The following GRIP1 variants were observed in gnomAD, a reference collection of about 807,000 sequenced individuals.
The protein encoded by GRIP1 is glutamate receptor interacting protein 1.
A neutral mutation model predicts 129.9 loss-of-function variants in GRIP1; 45 were observed. The observed-to-expected ratio is 0.35, with a 90% CI of 0.27 to 0.44. GRIP1 has a LOEUF of 0.44. Among genes scored for constraint, GRIP1 ranks in the 20% least tolerant of loss-of-function variants. GRIP1 has a pLI of 1.00. For missense variants in GRIP1, 1,196 were observed against 1,396.8 expected (o/e 0.86, Z 2.29); for synonymous variants, 530 against 520.8 (o/e 1.02, Z -0.24).
chr12:66,670,527 G>C (rs2034028482), intron 1 of GRIP1, among the ~76,000 whole-genome samples: 1 of 152,190 alleles, frequency 6.6e-6, no homozygotes, highest in Non-Finnish European at 1.5e-5. Context: ...TGTGGAATGA[G>C]AGCAACTCAG....
intron 1 of GRIP1, among the ~76,000 whole-genome samples, chr12:66,764,422 A>G (rs909949068): frequency 5.9e-5 from 9 of 152,166 alleles, no homozygotes; most frequent in South Asian, 2.1e-4. Flanking sequence ...TTCATTTATG[A>G]TGTTTTCCAT....
chr12:66,876,140 G>A (rs754268127), intron 1 of GRIP1, among the ~76,000 whole-genome samples: 2 of 151,704 alleles, frequency 1.3e-5, no homozygotes, highest in Admixed American at 6.6e-5. Context: ...GCGATAATGA[G>A]GATCAAACTG....
chr12:66,732,181 A>G (rs761106450), intron 1 of GRIP1, among the ~76,000 whole-genome samples: 18 of 152,164 alleles, frequency 1.2e-4, no homozygotes, highest in Non-Finnish European at 2.1e-4. Flanking sequence ...TGTCTCTGCA[A>G]CTTCTGAAAC....
chr12:66,383,407 G>A (rs562406935), intron 19 of GRIP1, among the ~76,000 whole-genome samples: 2 of 152,214 alleles, frequency 1.3e-5, no homozygotes, highest in Admixed American at 6.5e-5. Context: ...ACAGGTCCTC[G>A]ATTCTATCAG....
At chr12:67,007,684 T>C (rs1211370770) in intron 1 of GRIP1, among the ~76,000 whole-genome samples, 2 of 152,174 alleles carry the variant, frequency 1.3e-5, no homozygotes, top group African/African-American at 4.8e-5. Context: ...GTCACTTATT[T>C]CCAATGCCAT....
chr12:66,703,417 GC>G (rs1399054999), intron 1 of GRIP1, among the ~76,000 whole-genome samples: 1 of 152,112 alleles, frequency 6.6e-6, no homozygotes, highest in African/African-American at 2.4e-5. Context: ...CAATCAGGTA[GC>G]AAGTGTGGAG....
rs773083256 is a variant in GRIP1, at chr12:66,371,936, T to C, written c.2779-9A>G. Reference sequence around the variant, plus strand: ...CCCGACATGATTGTTGCCTGTGGCATTGACAATTTTTAGAAACAATTAAGC... The same window carrying C: ...CCCGACATGATTGTTGCCTGTGGCACTGACAATTTTTAGAAACAATTAAGC... On this transcript the variant is annotated splice_polypyrimidine_tract_variant and intron_variant, in intron 22 of 24. Transcript: ENST00000359742. The C allele has an allele frequency of 3.2e-6, 5 of 1,569,248 alleles. No homozygotes were observed. Among genetic ancestry groups the C allele is most frequent in the Non-Finnish European group, 3.5e-6 (4 of 1,143,786 alleles).
chr12:66,360,025 C>G (rs952982835), intron 23 of GRIP1, among the ~76,000 whole-genome samples: 1 of 152,150 alleles, frequency 6.6e-6, no homozygotes, highest in Non-Finnish European at 1.5e-5. Context: ...TCTTACAACA[C>G]CTCTGGGCAG....
At chr12:67,003,836 A>G (rs1267522966) in intron 1 of GRIP1, among the ~76,000 whole-genome samples, 1 of 152,250 alleles carries the variant, frequency 6.6e-6, no homozygotes, top group African/African-American at 2.4e-5. Context: ...TGATGCTACT[A>G]TAATAAGTTA....
At chr12:67,023,544 G>C (rs1439251295) in intron 1 of GRIP1, among the ~76,000 whole-genome samples, 1 of 151,766 alleles carries the variant, frequency 6.6e-6, no homozygotes, top group Non-Finnish European at 1.5e-5. Flanking sequence ...TATGATATAT[G>C]CTAAATCAGT....
chr12:66,998,228 G>A (rs11830983), intron 1 of GRIP1, among the ~76,000 whole-genome samples: 17,781 of 152,136 alleles, frequency 0.12, 1,251 homozygotes, highest in African/African-American at 0.19. Context: ...GACTGTACTA[G>A]ACACAGAGAT....
At chr12:66,442,702 A>T (rs891446810) in intron 13 of GRIP1, among the ~76,000 whole-genome samples, 12 of 149,564 alleles carry the variant, frequency 8.0e-5, no homozygotes, top group African/African-American at 2.5e-4. Flanking sequence ...AGGCTAATTT[A>T]AAAAAAATTT....
In GRIP1 at chr12:66,778,041, G is replaced by T. The variant is rs185013396; in HGVS notation, c.-420+26012C>A. 1.5e-3 allele frequency among the ~76,000 whole-genome samples: 231 copies of T among 152,118 alleles called. 1 individual carries two copies. Among genetic ancestry groups the T allele is most frequent in the Non-Finnish European group, 1.5e-4 (10 of 67,980 alleles). ...ACCAAATTTTGAAGAATAATATAAA[G>T]AAAGCAAAATACCTTACTAATAATT... On this transcript the variant is annotated intron_variant, in intron 1 of 4. Coordinates refer to the GRIP1 transcript ENST00000538373.
At chr12:66,788,058 C>T (rs1180088507) in intron 1 of GRIP1, among the ~76,000 whole-genome samples, 1 of 151,970 alleles carries the variant, frequency 6.6e-6, no homozygotes, top group Non-Finnish European at 1.5e-5. Context: ...TGGAGTATTT[C>T]ACACACCCCT....
chr12:66,597,518 AG>A (rs2064101222), intron 1 of GRIP1, among the ~76,000 whole-genome samples: 1 of 152,194 alleles, frequency 6.6e-6, no homozygotes, highest in Non-Finnish European at 1.5e-5. Flanking sequence ...CAGAGGAGCT[AG>A]GTTGAGAATA....
At position 66,673,754 on chromosome 12, in the gene GRIP1, G is replaced by A. The variant is rs192570559; in HGVS notation, c.55+5096C>T. 4.8e-4 allele frequency among the ~76,000 whole-genome samples: 73 copies of A among 152,224 alleles called. No individual in the cohort carries two copies. In the South Asian group the frequency reaches 6.0e-3, roughly 13 times the overall value. ...AATCTGGACCACGAGCAGCACTTGC[G>A]CGAGAACAAGACCTGCCTGGGACCC... On this transcript the variant is annotated intron_variant, in intron 1 of 24. Transcript: ENST00000359742.
intron 8 of GRIP1, among the ~76,000 whole-genome samples, chr12:66,463,494 C>T (rs1441583742): frequency 6.6e-6 from 1 of 152,080 alleles, no homozygotes; most frequent in Non-Finnish European, 1.5e-5. Flanking sequence ...TCTTCAGAAT[C>T]TCAAACATGA....
intron 2 of GRIP1, among the ~76,000 whole-genome samples, chr12:66,545,749 G>A (rs2061929158): frequency 2.0e-5 from 3 of 152,114 alleles, no homozygotes; most frequent in Admixed American, 2.0e-4. Flanking sequence ...GATAGCATAA[G>A]TCAACAGAAA....
At chr12:66,586,430 G>A (rs2063639118) in intron 2 of GRIP1, among the ~76,000 whole-genome samples, 1 of 151,940 alleles carries the variant, frequency 6.6e-6, no homozygotes, top group Non-Finnish European at 1.5e-5. Flanking sequence ...GCCAACCTCT[G>A]AGGCTTAGTA....
Sources: allele counts gnomAD v4.1 joint callset (sites outside exome capture counted in the v4.1 genomes callset), GRCh38; gene constraint gnomAD v4.1.1; transcripts MANE v1.5; gene names NCBI Gene and HGNC (gene_info 2026-07-23, HGNC 2026-07-21).